The following IQCJ variants were observed in gnomAD, a reference collection of about 807,000 sequenced individuals.
IQCJ encodes the protein IQ motif containing J.
IQCJ carries 9 observed loss-of-function variants against 11.0 expected under a neutral mutation model. That is an observed-to-expected ratio of 0.82 (90% CI 0.49 to 1.43). IQCJ has a LOEUF of 1.43. Ranked by LOEUF, IQCJ falls within the 40% of genes most tolerant of loss-of-function variation. The pLI, the probability that IQCJ is intolerant of heterozygous loss-of-function variation, is 0.00. For synonymous variants in IQCJ, 55 were observed against 51.3 expected, an observed-to-expected ratio of 1.07 and a Z score of -0.31; for missense variants, 146 against 133.2, an observed-to-expected ratio of 1.10 and a Z score of -0.47.
chr3:159,233,442 T>G (rs1180518765), intron 1 of IQCJ, among the ~76,000 whole-genome samples: 1 of 152,124 alleles, frequency 6.6e-6, no homozygotes, highest in Non-Finnish European at 1.5e-5. Context: ...GGGTAACTAA[T>G]GGGAAATGGG....
chr3:159,112,159 A>G (rs868696763), intron 1 of IQCJ, among the ~76,000 whole-genome samples: 4 of 152,116 alleles, frequency 2.6e-5, no homozygotes, highest in Admixed American at 2.6e-4. Flanking sequence ...ATTCTGCCAC[A>G]TGCTTGTGAG....
chr3:159,153,388 G>A (rs1721340062), intron 1 of IQCJ, among the ~76,000 whole-genome samples: 2 of 152,150 alleles, frequency 1.3e-5, no homozygotes, highest in South Asian at 4.1e-4. Context: ...TGGAGGCTCT[G>A]AGTTATTGCA....
chr3:159,209,080 C>T (rs561234132), intron 1 of IQCJ, among the ~76,000 whole-genome samples: 180 of 152,306 alleles, frequency 1.2e-3, no homozygotes, highest in African/African-American at 4.0e-3. Context: ...TTTTCCCACT[C>T]AAATGTTGCC....
chr3:159,227,710 A>C lies in IQCJ; in HGVS notation c.10-18133A>C, dbSNP rs189311595. 6.2e-3 allele frequency among the ~76,000 whole-genome samples: 946 copies of C among 152,344 alleles called. 5 individuals are homozygous for C. The highest frequency in any genetic ancestry group is 7.8e-3 in the Non-Finnish European group (529 of 68,040). ...CATTCCTCAAAGAGGATTATTCCAGAGTTCTACATAGCAAAGGAGAGCCTT... is the reference window on the plus strand; with the variant it reads ...CATTCCTCAAAGAGGATTATTCCAGCGTTCTACATAGCAAAGGAGAGCCTT... On this transcript the variant is annotated intron_variant, in intron 1 of 3. Transcript: ENST00000397832.
At chr3:159,102,703 A>G (rs1013308030) in intron 1 of IQCJ, among the ~76,000 whole-genome samples, 1 of 152,224 alleles carries the variant, frequency 6.6e-6, no homozygotes, top group Non-Finnish European at 1.5e-5. Flanking sequence ...GAGATGTGCA[A>G]TCAGAACCAT....
chr3:159,251,669 T>A (rs1049106955), intron 2 of IQCJ, among the ~76,000 whole-genome samples: 1 of 152,004 alleles, frequency 6.6e-6, no homozygotes, highest in South Asian at 2.1e-4. Context: ...AGTACTGAAT[T>A]GGGATGTTAA....
At chr3:159,125,482 A>G (rs1179621095) in intron 1 of IQCJ, among the ~76,000 whole-genome samples, 1 of 152,238 alleles carries the variant, frequency 6.6e-6, no homozygotes, top group South Asian at 2.1e-4. Context: ...ATTGGTTTGC[A>G]ATAAAATGCA....
intron 2 of IQCJ, among the ~76,000 whole-genome samples, chr3:159,252,483 T>C (rs1450234792): frequency 1.3e-5 from 2 of 152,176 alleles, no homozygotes; most frequent in Non-Finnish European, 2.9e-5. Context: ...ATGATTTTCA[T>C]ACCATAGCTA....
chr3:159,196,986 A>T (rs568853274), intron 1 of IQCJ, among the ~76,000 whole-genome samples: 1 of 152,024 alleles, frequency 6.6e-6, no homozygotes, highest in East Asian at 1.9e-4. Flanking sequence ...CCCCCCAAAG[A>T]TGAAAACAAA....
intron 1 of IQCJ, among the ~76,000 whole-genome samples, chr3:159,118,175 A>C (rs1719140359): frequency 6.6e-6 from 1 of 152,172 alleles, no homozygotes; most frequent in African/African-American, 2.4e-5. Context: ...ACTAAACTCA[A>C]ATGATGTAGG....
chr3:159,090,171 ACTGGG>A (rs1717145126), intron 1 of IQCJ, among the ~76,000 whole-genome samples: 1 of 151,548 alleles, frequency 6.6e-6, no homozygotes, highest in African/African-American at 2.4e-5. Flanking sequence ...CTGTTGGAGT[ACTGGG>A]CCCTGTGAGG....
At chr3:159,216,164 C>T (rs1725221659) in intron 1 of IQCJ, among the ~76,000 whole-genome samples, 1 of 151,884 alleles carries the variant, frequency 6.6e-6, no homozygotes, top group Non-Finnish European at 1.5e-5. Flanking sequence ...CTCCTGTTAA[C>T]TCCAGGCATC....
chr3:159,194,562 C>T (rs757100559), intron 1 of IQCJ, among the ~76,000 whole-genome samples: 18 of 152,202 alleles, frequency 1.2e-4, no homozygotes, highest in Non-Finnish European at 2.2e-4. Flanking sequence ...GCTTGATTAG[C>T]AGTGCATTTC....
chr3:159,114,571 C>T (rs905087802), intron 1 of IQCJ, among the ~76,000 whole-genome samples: 1 of 152,030 alleles, frequency 6.6e-6, no homozygotes, highest in Non-Finnish European at 1.5e-5. Flanking sequence ...CTCGGCCTCT[C>T]AAAGTGCTGG....
intron 1 of IQCJ, among the ~76,000 whole-genome samples, chr3:159,185,953 T>G (rs747682204): frequency 2.0e-5 from 3 of 152,244 alleles, no homozygotes; most frequent in African/African-American, 7.2e-5. Flanking sequence ...TAGACCATTT[T>G]TAACAGAAGG....
intron 1 of IQCJ, among the ~76,000 whole-genome samples, chr3:159,234,689 A>C (rs1726473351): frequency 6.6e-6 from 1 of 152,156 alleles, no homozygotes; most frequent in Admixed American, 6.5e-5. Flanking sequence ...GCAATTAGGC[A>C]GCACAATGAA....
At chr3:159,212,906 T>C (rs1469785871) in intron 1 of IQCJ, among the ~76,000 whole-genome samples, 1 of 152,266 alleles carries the variant, frequency 6.6e-6, no homozygotes, top group East Asian at 1.9e-4. Flanking sequence ...GCAACTTTTG[T>C]TGTCACCATA....
At chr3:159,079,818 C>T (rs1196683265) in intron 1 of IQCJ, among the ~76,000 whole-genome samples, 2 of 151,884 alleles carry the variant, frequency 1.3e-5, no homozygotes, top group African/African-American at 4.8e-5. Flanking sequence ...TTGTTTTCTT[C>T]CTGCAAGAAA....
intron 1 of IQCJ, among the ~76,000 whole-genome samples, chr3:159,195,060 G>A (rs1427822008): frequency 1.3e-5 from 2 of 151,622 alleles, no homozygotes; most frequent in African/African-American, 4.9e-5. Flanking sequence ...GCAGTGAGCT[G>A]AGATTGCGCC....
Sources: allele counts gnomAD v4.1 joint callset (sites outside exome capture counted in the v4.1 genomes callset), GRCh38; gene constraint gnomAD v4.1.1; transcripts MANE v1.5; gene names NCBI Gene and HGNC (gene_info 2026-07-23, HGNC 2026-07-21).